WNT8B: variants seen among roughly 807,000 people sequenced by gnomAD.
WNT8B encodes the protein Wnt family member 8B, also known as protein Wnt-8b.
A neutral mutation model predicts 36.6 loss-of-function variants in WNT8B; 24 were observed. The ratio of observed to expected loss-of-function variants is 0.66; its 90% CI spans 0.48 to 0.92. WNT8B has a LOEUF of 0.92. Ranked by LOEUF, WNT8B falls within the 40% of genes least tolerant of loss-of-function variation. The probability of loss-of-function intolerance (pLI) is 0.00; values close to 1 mark genes in which losing one functional copy is unlikely to be tolerated. For missense variants in WNT8B, 402 were observed against 470.8 expected (o/e 0.85, Z 1.35); for synonymous variants, 199 against 189.8 (o/e 1.05, Z -0.40).
Position 100,463,147 on chromosome 10 carries a change from C to A in WNT8B, c.-22C>A. ...ATCTCCCAGTTTTTTGGAATTTTCT[C>A]TAGCTGTTACTCCAGAGGATTATGT... On this transcript the variant is annotated 5_prime_UTR_variant, in exon 1 of 6. Transcript: ENST00000343737. 1 of 1,611,854 alleles carries A rather than the reference C, an allele frequency of 6.2e-7. No homozygotes were observed. The highest frequency in any genetic ancestry group is 1.1e-5 in the South Asian group (1 of 90,770).
rs931179637 is a variant in WNT8B, at chr10:100,480,912, G to T, written c.242-86G>T. The T allele has an allele frequency of 3.4e-6, 5 of 1,454,278 alleles. No individual in the cohort carries two copies. The Admixed American group carries it at 7.4e-5, about 22-fold the overall frequency. 90.1% of individuals were successfully genotyped at this position (1,454,278 alleles called of 1,614,324 possible). On this transcript the variant is annotated intron_variant, in intron 3 of 5. Transcript: ENST00000343737. ...TGGAGCTAGGGAAAGAGGATATAAT[G>T]ATGGTTATTAAAGAAAGGTAGCATG...
Position 100,482,607 on chromosome 10 carries a change from G to C in WNT8B, c.847G>C (p.Glu283Gln), listed in dbSNP as rs1851133069. Residue 283 changes from glutamate (E) to glutamine (Q), a missense_variant, in exon 6 of 6, where the codon GAA becomes CAA. Physicochemically the swap from Glu to Gln is conservative, Grantham distance 29 (BLOSUM62 2). Coordinates refer to ENST00000343737, the MANE Select transcript of WNT8B (RefSeq NM_003393.4). This position sits in a 1 kb window ranked among gnomAD's most constrained non-coding sequence, Gnocchi z 6.6. ...GCGCGGGCGGGCCCTGGGTCGCTGG[G>C]AACGCCGCAGCTGCCGCCGGCTCTG... ...LRRGRALGRW[E>Q]RRSCRRLCGD... 2 of 1,599,106 alleles carry C rather than the reference G, an allele frequency of 1.3e-6. No homozygotes were observed. The highest frequency in any genetic ancestry group is 1.3e-5 in the African/African-American group (1 of 74,914).
At chr10:100,478,672 C>T (rs1851071267) in intron 1 of WNT8B, among the ~76,000 whole-genome samples, 1 of 151,948 alleles carries the variant, frequency 6.6e-6, no homozygotes, top group African/African-American at 2.4e-5. Context: ...ACCTCCACCT[C>T]CCAGGTTCAA....
intron 1 of WNT8B, among the ~76,000 whole-genome samples, chr10:100,468,234 G>A (rs1455993981): frequency 6.6e-6 from 1 of 152,194 alleles, no homozygotes; most frequent in Non-Finnish European, 1.5e-5. Context: ...GCACTAAAGT[G>A]CCAAAGCCTG....
chr10:100,481,638 T>TG, intron 4 of WNT8B, among the ~76,000 whole-genome samples: 1 of 152,326 alleles, frequency 6.6e-6, no homozygotes, highest in East Asian at 1.9e-4. Flanking sequence ...GAGGCACTGT[T>TG]GGCAGAGGAG....
intron 1 of WNT8B, among the ~76,000 whole-genome samples, chr10:100,474,307 C>G (rs768545000): frequency 6.6e-6 from 1 of 151,230 alleles, no homozygotes; most frequent in South Asian, 2.1e-4. Flanking sequence ...TATATAGCAG[C>G]CTCCATTTGT....
At chr10:100,479,359 A>G (rs1393304550) in intron 2 of WNT8B, among the ~76,000 whole-genome samples, 1 of 152,208 alleles carries the variant, frequency 6.6e-6, no homozygotes, top group African/African-American at 2.4e-5. Flanking sequence ...GTCAGGCTGC[A>G]AAGTCACACA....
chr10:100,479,536 C>T (rs1851083272), intron 2 of WNT8B, among the ~76,000 whole-genome samples: 1 of 152,058 alleles, frequency 6.6e-6, no homozygotes, highest in Non-Finnish European at 1.5e-5. Flanking sequence ...GATTTGGGCT[C>T]ATTTTGGAGA....
intron 4 of WNT8B, 65 bp downstream of exon 4, chr10:100,481,188 G>C (rs1416759776): frequency 6.3e-7 from 1 of 1,588,774 alleles, no homozygotes; most frequent in East Asian, 2.3e-5. Flanking sequence ...GAAAAGCCTG[G>C]TGGGGGTGAA....
chr10:100,473,860 A>G (rs1484552598), intron 1 of WNT8B, among the ~76,000 whole-genome samples: 1 of 152,164 alleles, frequency 6.6e-6, no homozygotes, highest in Non-Finnish European at 1.5e-5. Context: ...CAGGAGGTGG[A>G]GGTTGTAATG....
rs192499360 is a variant in WNT8B, at chr10:100,463,023, C to T, written c.-146C>T. 3 of 674,432 alleles carry T rather than the reference C, an allele frequency of 4.4e-6. No individual in the cohort carries two copies. The highest frequency in any genetic ancestry group is 1.8e-5 in the African/African-American group (1 of 54,306). 41.8% of individuals were successfully genotyped at this position (674,432 alleles called of 1,614,324 possible). A position where few individuals can be genotyped will look rare whatever the true frequency, so the allele number is the denominator to read the frequency against. On this transcript the variant is annotated 5_prime_UTR_variant, in exon 1 of 6. Coordinates refer to ENST00000343737, the MANE Select transcript of WNT8B (RefSeq NM_003393.4). ...GTTTGGCAGCTCCATTTCACCTCCCCTTAACTCTGTTTGGGATCGCTTACA... is the reference window on the plus strand; with the variant it reads ...GTTTGGCAGCTCCATTTCACCTCCCTTTAACTCTGTTTGGGATCGCTTACA...
intron 1 of WNT8B, among the ~76,000 whole-genome samples, chr10:100,472,743 C>G (rs1334725704): frequency 6.6e-6 from 1 of 152,198 alleles, no homozygotes; most frequent in Non-Finnish European, 1.5e-5. Context: ...AAATCGCTTA[C>G]CACTTATGCC....
At chr10:100,464,259 A>C (rs927002731) in intron 1 of WNT8B, among the ~76,000 whole-genome samples, 2 of 152,198 alleles carry the variant, frequency 1.3e-5, no homozygotes, top group Admixed American at 6.5e-5. Context: ...AACTTCATAA[A>C]ACTATTTGCA....
chr10:100,476,593 G>GATTT (rs10701360), intron 1 of WNT8B, among the ~76,000 whole-genome samples: 111,554 of 151,566 alleles, frequency 0.74, 42,343 homozygotes, highest in African/African-American at 0.94. Context: ...GGGTACACCA[G>GATTT]CATGGAACAA....
At position 100,482,548 on chromosome 10, in the gene WNT8B, G is replaced by C; in HGVS notation, c.788G>C (p.Gly263Ala). The change falls in exon 6 of 6, where the codon GGG becomes GCG. Residue 263 changes from glycine to alanine, a missense_variant. Gly to Ala is a moderately conservative substitution (Grantham distance 60). Coordinates refer to ENST00000343737, the MANE Select transcript of WNT8B (RefSeq NM_003393.4). This position sits in a 1 kb window ranked among gnomAD's most constrained non-coding sequence, Gnocchi z 6.6. ...TACTGCCTGGAGAACAAAACGCTAG[G>C]GCTGCTGGGCACCGAAGGCCGAGAG... The part of the protein sequence containing the change: ...PDYCLENKTL[G>A]LLGTEGRECL... The C allele has an allele frequency of 6.3e-7, 1 of 1,599,240 alleles. No individual in the cohort carries two copies. The highest frequency in any genetic ancestry group is 1.1e-5 in the South Asian group (1 of 90,816).
At chr10:100,464,574 C>T (rs926946022) in intron 1 of WNT8B, among the ~76,000 whole-genome samples, 1 of 152,132 alleles carries the variant, frequency 6.6e-6, no homozygotes, top group African/African-American at 2.4e-5. Context: ...CCCTTCCCTG[C>T]TGGAGGGGGT....
At chr10:100,480,426 C>T (rs879336330) in intron 3 of WNT8B, among the ~76,000 whole-genome samples, 1 of 152,128 alleles carries the variant, frequency 6.6e-6, no homozygotes, top group African/African-American at 2.4e-5. Context: ...TAAAGAGTGG[C>T]CATGCCAGTA....
intron 1 of WNT8B, among the ~76,000 whole-genome samples, chr10:100,467,766 G>A (rs1249642926): frequency 6.6e-6 from 1 of 152,062 alleles, no homozygotes; most frequent in Non-Finnish European, 1.5e-5. Context: ...CATACTATGG[G>A]AAAAACATGT....
intron 1 of WNT8B, among the ~76,000 whole-genome samples, chr10:100,472,690 G>A (rs1486714130): frequency 6.6e-6 from 1 of 152,194 alleles, no homozygotes; most frequent in Admixed American, 6.5e-5. Context: ...GTAAAATTTT[G>A]ACTTGGCAGT....
Sources: allele counts gnomAD v4.1 joint callset (sites outside exome capture counted in the v4.1 genomes callset), GRCh38; gene constraint gnomAD v4.1.1; non-coding constraint Gnocchi (gnomAD v3.1); transcripts MANE v1.5; gene names NCBI Gene and HGNC (gene_info 2026-07-23, HGNC 2026-07-21).